Variants in CHCHD3 observed in about 807,000 individuals in gnomAD.
CHCHD3 encodes the protein MICOS complex subunit MIC19.
CHCHD3 carries 20 observed loss-of-function variants against 38.2 expected under a neutral mutation model. The ratio of observed to expected loss-of-function variants is 0.52; its 90% CI spans 0.37 to 0.76. CHCHD3 has a LOEUF of 0.76. CHCHD3 is among the 30% of genes least tolerant of loss of function. The pLI is 0.00. For synonymous variants in CHCHD3, 82 were observed against 100.0 expected, an observed-to-expected ratio of 0.82 and a Z score of 1.07; for missense variants, 245 against 279.2, an observed-to-expected ratio of 0.88 and a Z score of 0.87.
chr7:133,040,324 A>G (rs1391655072), intron 2 of CHCHD3, among the ~76,000 whole-genome samples: 1 of 152,166 alleles, frequency 6.6e-6, no homozygotes, highest in Non-Finnish European at 1.5e-5. Context: ...GACTATTTCA[A>G]GTTGAAAACA....
intron 3 of CHCHD3, among the ~76,000 whole-genome samples, chr7:132,983,586 C>T (rs758680414): frequency 6.6e-6 from 1 of 152,174 alleles, no homozygotes; most frequent in Non-Finnish European, 1.5e-5. Flanking sequence ...CAGTAAATTG[C>T]ATACTGCAGT....
chr7:132,870,068 T>A (rs550546532), intron 5 of CHCHD3, among the ~76,000 whole-genome samples: 3 of 151,158 alleles, frequency 2.0e-5, no homozygotes, highest in Non-Finnish European at 4.4e-5. Context: ...AACAAAATAA[T>A]GGCCGGGCAC....
intron 4 of CHCHD3, among the ~76,000 whole-genome samples, chr7:132,911,295 A>G (rs1809942597): frequency 6.6e-6 from 1 of 152,214 alleles, no homozygotes; most frequent in South Asian, 2.1e-4. Context: ...GGCCACCCCC[A>G]TCTACAAAGA....
intron 4 of CHCHD3, among the ~76,000 whole-genome samples, chr7:132,915,545 C>T (rs1449548662): frequency 6.6e-6 from 1 of 151,860 alleles, no homozygotes; most frequent in Non-Finnish European, 1.5e-5. Context: ...TCTTCTTCTA[C>T]AATTTTATTG....
intron 5 of CHCHD3, among the ~76,000 whole-genome samples, chr7:132,844,795 A>G (rs761721459): frequency 3.3e-5 from 5 of 152,348 alleles, no homozygotes; most frequent in African/African-American, 4.8e-5. Context: ...GAGGTAAACT[A>G]TATCTAAAAC....
chr7:133,051,559 T>G (rs1814163473), intron 2 of CHCHD3, among the ~76,000 whole-genome samples: 1 of 152,220 alleles, frequency 6.6e-6, no homozygotes, highest in Non-Finnish European at 1.5e-5. Flanking sequence ...ATAGATTTGT[T>G]TAAACGTATA....
chr7:132,984,760 T>A (rs143641567), intron 3 of CHCHD3, among the ~76,000 whole-genome samples: 1 of 144,450 alleles, frequency 6.9e-6, no homozygotes, highest in African/African-American at 2.6e-5. Flanking sequence ...CCGGCCCGTC[T>A]GAGAAGTGAG....
At chr7:132,799,972 G>T (rs1289537645) in intron 6 of CHCHD3, among the ~76,000 whole-genome samples, 1 of 152,108 alleles carries the variant, frequency 6.6e-6, no homozygotes, top group Non-Finnish European at 1.5e-5. Context: ...GGTAGAACTG[G>T]AGTCCCAAAG....
In CHCHD3 at chr7:132,879,595, G is replaced by A. The variant is rs1054221401; in HGVS notation, c.453+6067C>T. ...CTGCCCTCTATGACACGATAACCACGGTCCTACCCCTCGCTTCCCTCCCAC... is the reference window on the plus strand; with the variant it reads ...CTGCCCTCTATGACACGATAACCACAGTCCTACCCCTCGCTTCCCTCCCAC... On this transcript the variant is annotated intron_variant, in intron 5 of 7. Transcript: ENST00000262570. Among the ~76,000 whole-genome samples, 7 of 151,332 alleles carry A rather than the reference G, an allele frequency of 4.6e-5. No individual in the cohort carries two copies. In the South Asian group the frequency reaches 6.3e-4, roughly 14 times the overall value.
chr7:132,962,400 T>C (rs1031392765), intron 4 of CHCHD3, among the ~76,000 whole-genome samples: 1 of 152,154 alleles, frequency 6.6e-6, no homozygotes. Context: ...GAGAACTACA[T>C]TAACGACCTT....
At chr7:132,911,000 T>C (rs906961529) in intron 4 of CHCHD3, among the ~76,000 whole-genome samples, 7 of 152,026 alleles carry the variant, frequency 4.6e-5, no homozygotes, top group African/African-American at 1.7e-4. Context: ...GAGGAGTAAT[T>C]AAGGGCATAA....
At chr7:132,868,587 T>C (rs1329472941) in intron 5 of CHCHD3, among the ~76,000 whole-genome samples, 6 of 152,164 alleles carry the variant, frequency 3.9e-5, no homozygotes. Context: ...TTGCATAAGT[T>C]GCACAAAATG....
intron 6 of CHCHD3, among the ~76,000 whole-genome samples, chr7:132,798,794 C>A (rs1210750905): frequency 1.3e-5 from 2 of 152,094 alleles, no homozygotes; most frequent in Non-Finnish European, 1.5e-5. Flanking sequence ...AAAAAGTCTA[C>A]TCACGATGGG....
chr7:132,822,418 C>CT (rs961312048), intron 6 of CHCHD3, among the ~76,000 whole-genome samples: 5 of 151,568 alleles, frequency 3.3e-5, no homozygotes, highest in East Asian at 1.9e-4. Flanking sequence ...ACATGATTTC[C>CT]TTTTTTTTAA....
chr7:133,008,385 C>A (rs1247844988), intron 3 of CHCHD3, among the ~76,000 whole-genome samples: 3 of 99,462 alleles, frequency 3.0e-5, no homozygotes, highest in Admixed American at 9.9e-5. Context: ...AAAAAACAAT[C>A]AAAATGAGAC....
intron 7 of CHCHD3, among the ~76,000 whole-genome samples, chr7:132,792,627 C>T (rs1481805987): frequency 7.2e-5 from 11 of 152,184 alleles, no homozygotes; most frequent in Admixed American, 7.2e-4. Flanking sequence ...CTGAGTGCGC[C>T]TATGAACAGG....
chr7:133,060,602 C>A (rs1182318982), intron 2 of CHCHD3, among the ~76,000 whole-genome samples: 7 of 152,124 alleles, frequency 4.6e-5, no homozygotes, highest in Non-Finnish European at 8.8e-5. Flanking sequence ...ACAGAAGGAA[C>A]AACACGGTCA....
chr7:132,898,512 C>A (rs1222566912), intron 4 of CHCHD3, among the ~76,000 whole-genome samples: 3 of 152,222 alleles, frequency 2.0e-5, no homozygotes, highest in Admixed American at 6.5e-5. Context: ...TCTCCACATC[C>A]CCACCAGACT....
intron 5 of CHCHD3, among the ~76,000 whole-genome samples, chr7:132,847,065 T>C (rs747064983): frequency 6.6e-6 from 1 of 152,170 alleles, no homozygotes; most frequent in African/African-American, 2.4e-5. Flanking sequence ...TCTTCCCTTG[T>C]AGCCACCCCG....
Sources: gnomAD v4.1 joint callset for allele counts (sites outside exome capture counted in the v4.1 genomes callset) on GRCh38, gnomAD v4.1.1 for gene constraint, MANE v1.5 for transcripts, NCBI Gene and HGNC (gene_info 2026-07-23, HGNC 2026-07-21) for gene names.